INPP5D: variants seen among roughly 807,000 people sequenced by gnomAD.
INPP5D encodes inositol polyphosphate-5-phosphatase D.
In INPP5D, 33 loss-of-function variants were observed where a neutral mutation model predicts 122.9. The observed-to-expected ratio is 0.27, with a 90% confidence interval of 0.20 to 0.36. The LOEUF is 0.36. INPP5D is among the 10% of genes least tolerant of loss of function. The pLI, the probability that INPP5D is intolerant of heterozygous loss-of-function variation, is 1.00. For synonymous variants in INPP5D, 584 were observed against 576.2 expected (o/e 1.01, Z -0.19); for missense variants, 1,053 against 1,412.7 (o/e 0.75, Z 4.08).
intron 2 of INPP5D, among the ~76,000 whole-genome samples, chr2:233,089,847 C>T (rs993226644): frequency 6.6e-6 from 1 of 152,234 alleles, no homozygotes; most frequent in Admixed American, 6.5e-5. Flanking sequence ...CAGATTTTTA[C>T]ATCTTGAGGG....
At position 233,078,832 on chromosome 2, in the gene INPP5D, G is replaced by A. The variant is rs573141467; in HGVS notation, c.135-503G>A. Among the ~76,000 whole-genome samples the A allele has an allele frequency of 2.0e-5, 3 of 152,102 alleles. No individual in the cohort carries two copies. Among genetic ancestry groups the A allele is most frequent in the East Asian group, 1.9e-4 (1 of 5,176 alleles). On this transcript the variant is annotated intron_variant, in intron 1 of 26. Transcript: ENST00000445964. The surrounding 1 kb of genome is among the most constrained non-coding windows in gnomAD (Gnocchi z 4.6). ...CAAGTAGCTGGGACTACAGGTGTGC[G>A]CCACCACGCCCAGCTAATTTTTGTA...
In INPP5D at chr2:233,128,853, T is replaced by C. The variant is rs545540060; in HGVS notation, c.525-1655T>C. 5.9e-5 allele frequency among the ~76,000 whole-genome samples: 9 copies of C among 152,308 alleles called. No individual in the cohort carries two copies. Among genetic ancestry groups the C allele is most frequent in the African/African-American group, 2.2e-4 (9 of 41,564 alleles). ...ACAGGAAAAGCCTTGTGGCCTTTAG[T>C]TTCAATTTGATTACATATCAAGCCT... is the stretch of plus-strand genomic sequence containing the variant. On this transcript the variant is annotated intron_variant, in intron 4 of 26. Transcript: ENST00000445964. The surrounding 1 kb of genome is among the most constrained non-coding windows in gnomAD (Gnocchi z 4.5).
At chr2:233,116,248 G>GATAGATAGATAGATAGATAGATAGAT (rs34084880) in intron 2 of INPP5D, among the ~76,000 whole-genome samples, 2,494 of 135,070 alleles carry the variant, frequency 0.018, 57 homozygotes, top group African/African-American at 0.043. Flanking sequence ...TAGATAGATA[G>GATAGATAGATAGATAGATAGATAGAT]ATAGATATAG....
Position 233,146,261 on chromosome 2 carries a change from C to T in INPP5D, c.834+19C>T, listed in dbSNP as rs138771769. On this transcript the variant is annotated intron_variant, in intron 7 of 26. Coordinates refer to ENST00000445964, the MANE Select transcript of INPP5D (RefSeq NM_001017915.3). The stretch of plus-strand genomic sequence containing the variant: ...AGACAAGGTACGTGTGGGGCTCCTG[C>T]GGCTTCTCTTGGTCTCCTCTTTGGT... The T allele has an allele frequency of 9.0e-3, 6,323 of 704,276 alleles. 94 individuals carry two copies. Among genetic ancestry groups the T allele is most frequent in the African/African-American group, 0.04 (2,310 of 57,362 alleles). 43.6% of individuals were successfully genotyped at this position (704,276 alleles called of 1,614,324 possible).
At chr2:233,134,999 T>A (rs1483044592) in intron 5 of INPP5D, among the ~76,000 whole-genome samples, 1 of 152,028 alleles carries the variant, frequency 6.6e-6, no homozygotes, top group African/African-American at 2.4e-5. Flanking sequence ...AAATGGACAG[T>A]CCTTGGAGAC....
intron 4 of INPP5D, among the ~76,000 whole-genome samples, chr2:233,127,581 T>G (rs1014491903): frequency 6.6e-6 from 1 of 152,200 alleles, no homozygotes; most frequent in Non-Finnish European, 1.5e-5. Context: ...TAAACATAGT[T>G]TACATCTTTA....
At chr2:233,153,615 A>G (rs190470532) in intron 9 of INPP5D, among the ~76,000 whole-genome samples, 50 of 152,266 alleles carry the variant, frequency 3.3e-4, no homozygotes, top group Non-Finnish European at 6.6e-4. Context: ...GGACCCCAAG[A>G]AGTGGGGTGA....
chr2:233,113,684 T>C lies in INPP5D; in HGVS notation c.199-8423T>C, dbSNP rs187399461. On this transcript the variant is annotated intron_variant, in intron 2 of 26. Coordinates refer to ENST00000445964, the MANE Select transcript of INPP5D (RefSeq NM_001017915.3). The stretch of plus-strand genomic sequence containing the variant: ...GCCAGAGATCTAGGGCCACTCTCGC[T>C]GGCTCTCGCTTGTCGACCGTGCCCT... Among the ~76,000 whole-genome samples, 69 of 152,294 alleles carry C rather than the reference T, an allele frequency of 4.5e-4. 1 individual carries two copies. In the East Asian group the frequency reaches 9.3e-3, roughly 20 times the overall value.
In INPP5D at chr2:233,177,227, A is replaced by G. The variant is rs562365172; in HGVS notation, c.1990-38A>G. ...TTTTACTGATTAAAAAAATAATAAT[A>G]AGAGGCATTTTTTAAAGCCTATGAC... On this transcript the variant is annotated intron_variant, in intron 17 of 26. Coordinates refer to ENST00000445964, the MANE Select transcript of INPP5D (RefSeq NM_001017915.3). This position sits in a 1 kb window ranked among gnomAD's most constrained non-coding sequence, Gnocchi z 4.2. The G allele has an allele frequency of 7.1e-4, 1,143 of 1,612,310 alleles. 23 individuals are homozygous for G. In the South Asian group the frequency reaches 0.012, roughly 17 times the overall value.
intron 2 of INPP5D, among the ~76,000 whole-genome samples, chr2:233,121,121 C>CTTTTTTTTTTTCTTTTTTT (rs1559302919): frequency 5.1e-5 from 6 of 117,640 alleles, no homozygotes; most frequent in African/African-American, 9.2e-5. Flanking sequence ...TTCTTTCTTT[C>CTTTTTTTTTTTCTTTTTTT]TTTTTTTTTT....
At chr2:233,115,814 C>T (rs979808540) in intron 2 of INPP5D, among the ~76,000 whole-genome samples, 5 of 152,188 alleles carry the variant, frequency 3.3e-5, no homozygotes, top group Non-Finnish European at 7.3e-5. Context: ...TGCAACCAAA[C>T]TTCTCTGCAA....
rs1361569892 is a variant in INPP5D at position 233,144,051 on chromosome 2, G to A, written c.754-2111G>A. 1.5e-4 allele frequency among the ~76,000 whole-genome samples: 21 copies of A among 142,426 alleles called. 1 individual carries two copies. Among genetic ancestry groups the A allele is most frequent in the African/African-American group, 4.4e-4 (16 of 35,998 alleles). The allele number at this position is 142,426 out of a possible 152,430, so 93.4% of individuals were successfully genotyped here. ...GGGTGGAGATGGTGGTGGTGATGGC[G>A]ATGGTGGAGGTGGTCATGATCATGG... On this transcript the variant is annotated intron_variant, in intron 6 of 26. Transcript: ENST00000445964.
rs1261762358 is a variant in INPP5D at position 233,164,891 on chromosome 2, G to A, written c.1555+467G>A. Among the ~76,000 whole-genome samples the A allele has an allele frequency of 2.0e-5, 3 of 146,692 alleles. No homozygotes were observed. Among genetic ancestry groups the A allele is most frequent in the Non-Finnish European group, 3.0e-5 (2 of 65,970 alleles). On this transcript the variant is annotated intron_variant, in intron 13 of 26. Transcript: ENST00000445964. This position sits in a 1 kb window ranked among gnomAD's most constrained non-coding sequence, Gnocchi z 4.3. ...AGCAGCCATAGGCAACCCAGAAAGC[G>A]AATGGGAGTGACTGTGTTACCAGTG... is the stretch of plus-strand genomic sequence containing the variant.
In INPP5D at chr2:233,169,801, C is replaced by G. The variant is rs139343706; in HGVS notation, c.1653-225C>G. On this transcript the variant is annotated intron_variant, in intron 14 of 26. Transcript: ENST00000445964. ...TGAGCAGATGCTGCTGCTCCTGGTC[C>G]CCTGCCCTCTGTACACCCAATGTGG... The G allele has an allele frequency of 2.0e-4, 141 of 704,870 alleles. 1 individual carries two copies. The African/African-American group carries it at 2.4e-3, about 12-fold the overall frequency. The allele number at this position is 704,870 out of a possible 1,614,324, so 43.7% of individuals were successfully genotyped here.
At chr2:233,145,333 G>T (rs1323243490) in intron 6 of INPP5D, 3 of 456,058 alleles carry the variant, frequency 6.6e-6, no homozygotes, top group Non-Finnish European at 1.3e-5. Context: ...ACTTAACGGA[G>T]CATCTTCGTT....
chr2:233,118,850 G>C (rs1460267661), intron 2 of INPP5D, among the ~76,000 whole-genome samples: 1 of 152,234 alleles, frequency 6.6e-6, no homozygotes, highest in African/African-American at 2.4e-5. Context: ...ATGAGGCTTG[G>C]CTTCTACCCT....
At position 233,130,492 on chromosome 2, in the gene INPP5D, T is replaced by G. The variant is rs767712633; in HGVS notation, c.525-16T>G. 1.1e-5 allele frequency: 18 copies of G among 1,611,912 alleles called. No individual in the cohort carries two copies. The East Asian group carries it at 3.1e-4, about 28-fold the overall frequency. On this transcript the variant is annotated splice_polypyrimidine_tract_variant and intron_variant, in intron 4 of 26. Coordinates refer to ENST00000445964, the MANE Select transcript of INPP5D (RefSeq NM_001017915.3). ...AAACAGGCAAGCATAGTTTGTTTCTTTTTTCTTTTCTTTAGGCTTCCAGAA... is the reference window on the plus strand; with the variant it reads ...AAACAGGCAAGCATAGTTTGTTTCTGTTTTCTTTTCTTTAGGCTTCCAGAA...
At chr2:233,118,758 C>T (rs915231376) in intron 2 of INPP5D, among the ~76,000 whole-genome samples, 3 of 152,354 alleles carry the variant, frequency 2.0e-5, no homozygotes, top group South Asian at 4.1e-4. Flanking sequence ...GCTTTCCCCT[C>T]GGAGGGGGAG....
At chr2:233,144,051 G>C in intron 6 of INPP5D, among the ~76,000 whole-genome samples, 1 of 142,426 alleles carries the variant, frequency 7.0e-6, no homozygotes, top group South Asian at 2.2e-4. Flanking sequence ...TGGTGATGGC[G>C]ATGGTGGAGG....
Sources: gnomAD v4.1 joint callset for allele counts (sites outside exome capture counted in the v4.1 genomes callset) on GRCh38, gnomAD v4.1.1 for gene constraint, Gnocchi (gnomAD v3.1) non-coding constraint, MANE v1.5 for transcripts, NCBI Gene and HGNC (gene_info 2026-07-23, HGNC 2026-07-21) for gene names.